The following P3H2 variants were observed in gnomAD, a reference collection of about 807,000 sequenced individuals.
The protein encoded by P3H2 is leprecan-like 1.
In P3H2, 80 loss-of-function variants were observed where a neutral mutation model predicts 87.0. The observed-to-expected ratio is 0.92, with a 90% CI of 0.77 to 1.11. The LOEUF is 1.11. Among genes scored for constraint, P3H2 ranks in the 50% least tolerant of loss-of-function variants. P3H2 has a pLI of 0.00. For synonymous variants in P3H2, 367 were observed against 359.3 expected (o/e 1.02, Z -0.24); for missense variants, 1,001 against 923.9 (o/e 1.08, Z -1.08).
chr3:190,007,033 G>A (rs1476561718), intron 1 of P3H2, among the ~76,000 whole-genome samples: 3 of 152,180 alleles, frequency 2.0e-5, no homozygotes, highest in Non-Finnish European at 4.4e-5. Flanking sequence ...ATTCCAAAAA[G>A]GGCTGTGAAA....
intron 1 of P3H2, among the ~76,000 whole-genome samples, chr3:190,098,724 A>G (rs556988290): frequency 1.6e-4 from 24 of 152,212 alleles, no homozygotes; most frequent in African/African-American, 5.8e-4. Context: ...TTGATCATTC[A>G]TAATTTATTA....
At chr3:189,979,376 C>G (rs1473134595) in intron 8 of P3H2, among the ~76,000 whole-genome samples, 1 of 151,548 alleles carries the variant, frequency 6.6e-6, no homozygotes, top group East Asian at 2.0e-4. Context: ...TGCAGTGAGC[C>G]AAGATCGTGC....
intron 1 of P3H2, among the ~76,000 whole-genome samples, chr3:190,090,650 C>G (rs1036781500): frequency 6.6e-6 from 1 of 151,976 alleles, no homozygotes. Context: ...TTGCAGTGAG[C>G]CCAGATTGTG....
At position 190,019,785 on chromosome 3, in the gene P3H2, A is replaced by AAAAT. The variant is rs1219688564; in HGVS notation, c.481-24344_481-24343insATTT. Among the ~76,000 whole-genome samples, 24 of 37,382 alleles carry AAAAT rather than the reference A, an allele frequency of 6.4e-4. 1 individual carries two copies. Among genetic ancestry groups the AAAAT allele is most frequent in the African/African-American group, 1.3e-3 (19 of 15,076 alleles). 24.5% of individuals were successfully genotyped at this position (37,382 alleles called of 152,430 possible). A position where few individuals can be genotyped will look rare whatever the true frequency, so the allele number is the denominator to read the frequency against. On this transcript the variant is annotated intron_variant, in intron 1 of 14. Transcript: ENST00000319332. ...ATGTGACATTACCTAGAAATTAAAA[A>AAAAT]ATATATATATATATATATATATATA...
intron 1 of P3H2, among the ~76,000 whole-genome samples, chr3:190,016,316 G>A (rs565378175): frequency 4.3e-4 from 63 of 146,250 alleles, no homozygotes; most frequent in Non-Finnish European, 7.8e-4. Flanking sequence ...TGATCTCGGC[G>A]CACTGCAACC....
chr3:189,964,016 T>C lies in P3H2; in HGVS notation c.1976A>G (p.Lys659Arg). The C allele has an allele frequency of 6.2e-7, 1 of 1,614,180 alleles. No individual in the cohort carries two copies. Among genetic ancestry groups the C allele is most frequent in the Non-Finnish European group, 8.5e-7 (1 of 1,179,996 alleles). ...ENPHGVKAVT[K>R]GKRCAVALWF... The stretch of plus-strand genomic sequence containing the variant: ...CAGAGCCACAGCACACCTCTTTCCC[T>C]TGGTGACTGCCTTCACCCCATGAGG... Residue 659 changes from lysine to arginine, a missense_variant, in exon 14 of 15, where the codon AAG becomes AGG. Transcript: ENST00000319332.
At chr3:190,004,544 G>A (rs564723288) in intron 1 of P3H2, among the ~76,000 whole-genome samples, 1 of 151,834 alleles carries the variant, frequency 6.6e-6, no homozygotes, top group Non-Finnish European at 1.5e-5. Flanking sequence ...CTCCACGCCC[G>A]GCTAATTTTT....
intron 1 of P3H2, among the ~76,000 whole-genome samples, chr3:190,081,443 T>C (rs934654058): frequency 1.1e-4 from 17 of 152,230 alleles, no homozygotes; most frequent in African/African-American, 4.1e-4. Flanking sequence ...GTATGTAGTG[T>C]ATCTTTACAA....
At chr3:190,078,881 G>A (rs1423055571) in intron 1 of P3H2, among the ~76,000 whole-genome samples, 1 of 152,216 alleles carries the variant, frequency 6.6e-6, no homozygotes, top group Non-Finnish European at 1.5e-5. Flanking sequence ...GGGTGGAAGA[G>A]TGGTCAGACA....
chr3:189,971,577 T>G (rs1723179229), intron 12 of P3H2: 1 of 365,660 alleles, frequency 2.7e-6, no homozygotes, highest in South Asian at 2.3e-5. Flanking sequence ...GTATTCTGAC[T>G]GAAATACATA....
intron 14 of P3H2, among the ~76,000 whole-genome samples, chr3:189,961,862 A>G (rs1260313702): frequency 6.6e-6 from 1 of 152,250 alleles, no homozygotes; most frequent in African/African-American, 2.4e-5. Flanking sequence ...TTGAGAGAAC[A>G]ATACCTTGGA....
At chr3:189,966,201 C>T (rs1229445521) in intron 13 of P3H2, among the ~76,000 whole-genome samples, 1 of 147,068 alleles carries the variant, frequency 6.8e-6, no homozygotes, top group Non-Finnish European at 1.5e-5. Flanking sequence ...GAAAAGCCTT[C>T]TGAGTAAATG....
intron 1 of P3H2, among the ~76,000 whole-genome samples, chr3:190,012,363 G>A (rs1303546039): frequency 1.3e-5 from 2 of 151,968 alleles, no homozygotes; most frequent in East Asian, 1.9e-4. Context: ...TTTCTAAAAT[G>A]CAAATCTGAT....
chr3:190,029,593 AATCTTT>A (rs1725190361), intron 1 of P3H2, among the ~76,000 whole-genome samples: 1 of 152,220 alleles, frequency 6.6e-6, no homozygotes, highest in Non-Finnish European at 1.5e-5. Context: ...ATATTAAAGC[AATCTTT>A]ATCCACATTG....
At position 190,017,463 on chromosome 3, in the gene P3H2, T is replaced by C. The variant is rs140121837; in HGVS notation, c.481-22021A>G. ...GGATGCAAAAGAACTGTTGACTATA[T>C]GGAGCCAGTAACAGCGTGGTAAATA... On this transcript the variant is annotated intron_variant, in intron 1 of 14. Coordinates refer to ENST00000319332, the MANE Select transcript of P3H2 (RefSeq NM_018192.4). Among the ~76,000 whole-genome samples the C allele has an allele frequency of 2.9e-3, 435 of 152,344 alleles. 1 individual carries two copies. The highest frequency in any genetic ancestry group is 9.7e-3 in the African/African-American group (404 of 41,582).
intron 14 of P3H2, among the ~76,000 whole-genome samples, chr3:189,960,522 T>C (rs11917013): frequency 0.071 from 10,816 of 152,296 alleles, 999 homozygotes; most frequent in East Asian, 0.32. Flanking sequence ...AATTGATCTT[T>C]TAAAGCTTTT....
At chr3:190,069,253 G>A (rs1463570367) in intron 1 of P3H2, among the ~76,000 whole-genome samples, 1 of 152,050 alleles carries the variant, frequency 6.6e-6, no homozygotes, top group Non-Finnish European at 1.5e-5. Flanking sequence ...TTCTCTACTG[G>A]GACATTGCTA....
chr3:190,036,340 G>A (rs1725425178), intron 1 of P3H2, among the ~76,000 whole-genome samples: 1 of 152,126 alleles, frequency 6.6e-6, no homozygotes, highest in Non-Finnish European at 1.5e-5. Context: ...CTTCATACAT[G>A]TTTGAATAAA....
At chr3:190,096,820 A>G (rs1259712261) in intron 1 of P3H2, among the ~76,000 whole-genome samples, 6 of 152,232 alleles carry the variant, frequency 3.9e-5, no homozygotes, top group Non-Finnish European at 8.8e-5. Flanking sequence ...CAGCTTGGAA[A>G]TACCACCTAT....
Sources: allele counts gnomAD v4.1 joint callset (sites outside exome capture counted in the v4.1 genomes callset), GRCh38; gene constraint gnomAD v4.1.1; transcripts MANE v1.5; gene names NCBI Gene and HGNC (gene_info 2026-07-23, HGNC 2026-07-21).